IQSEC1: variants seen among roughly 807,000 people sequenced by gnomAD.
IQSEC1 encodes IQ motif and Sec7 domain ArfGEF 1, also known as IQ motif and SEC7 domain-containing protein 1.
In IQSEC1, 31 loss-of-function variants were observed where a neutral mutation model predicts 91.0. The observed-to-expected ratio is 0.34, with a 90% CI of 0.26 to 0.46. The LOEUF (loss-of-function observed/expected upper bound fraction) is 0.46. IQSEC1 is among the 20% of genes least tolerant of loss of function. The probability of loss-of-function intolerance (pLI) is 1.00; values close to 1 mark genes in which losing one functional copy is unlikely to be tolerated. For missense variants in IQSEC1, 1,388 were observed against 1,575.6 expected (o/e 0.88, Z 2.02); for synonymous variants, 699 against 662.6 (o/e 1.05, Z -0.84).
chr3:13,114,792 C>CA (rs11462232), intron 2 of IQSEC1, among the ~76,000 whole-genome samples: 38,233 of 89,902 alleles, frequency 0.43, 6,742 homozygotes, highest in South Asian at 0.55. Context: ...GACATCGTCT[C>CA]AAAAAAAAAA....
intron 1 of IQSEC1, among the ~76,000 whole-genome samples, chr3:13,227,406 A>AAAG (rs1261283086): frequency 4.7e-4 from 69 of 145,646 alleles, no homozygotes; most frequent in African/African-American, 1.8e-3. Context: ...AGAAAGAAAG[A>AAAG]AAAGAAAACG....
At chr3:13,162,888 C>A (rs969220063) in intron 2 of IQSEC1, among the ~76,000 whole-genome samples, 35 of 151,604 alleles carry the variant, frequency 2.3e-4, no homozygotes, top group Middle Eastern at 6.8e-3. Context: ...GTCCATCCAT[C>A]CCCCCGGGCA....
rs549868842 is a variant in IQSEC1, at chr3:12,927,866, G to A, written c.1569-3124C>T. 2.4e-3 allele frequency among the ~76,000 whole-genome samples: 373 copies of A among 152,324 alleles called. 4 individuals carry two copies. The highest frequency in any genetic ancestry group is 8.6e-3 in the African/African-American group (358 of 41,566). ...AAGAGGTGACAGTGAGGACAAAGGT[G>A]CTGAGGTGGGTGGGGAGACCTGAGA... On this transcript the variant is annotated intron_variant, in intron 3 of 13. Coordinates refer to ENST00000613206, the MANE Select transcript of IQSEC1 (RefSeq NM_001134382.3).
At position 13,244,544 on chromosome 3, in the gene IQSEC1, CA is replaced by C. The variant is rs200224958; in HGVS notation, c.272+38166del. ...ATTAATGGGGAGGTCCACTGAGCTCCAAATAACGTAACCCCAGAGAGTGGAC... is the reference window on the plus strand; with the variant it reads ...ATTAATGGGGAGGTCCACTGAGCTCCAATAACGTAACCCCAGAGAGTGGAC... On this transcript the variant is annotated intron_variant, in intron 1 of 15. Coordinates refer to the IQSEC1 transcript ENST00000648114. Among the ~76,000 whole-genome samples, 69 of 152,228 alleles carry C rather than the reference CA, an allele frequency of 4.5e-4. 1 individual carries two copies. In the East Asian group the frequency reaches 0.012, roughly 26 times the overall value.
rs991872664 is a variant in IQSEC1 at position 13,219,532 on chromosome 3, C to T, written c.273-55399G>A. 3.3e-5 allele frequency among the ~76,000 whole-genome samples: 5 copies of T among 152,404 alleles called. No individual in the cohort carries two copies. In the East Asian group the frequency reaches 9.6e-4, roughly 29 times the overall value. On this transcript the variant is annotated intron_variant, in intron 1 of 15. Transcript: ENST00000648114. ...TGAAGCAGACGCACCTCGCAGAGCG[C>T]TGCCTCATTAATACTCATCGCCACT...
Position 12,900,271 on chromosome 3 carries a change from T to C in IQSEC1, c.*712A>G. The C allele has an allele frequency of 3.0e-6, 3 of 985,158 alleles. No homozygotes were observed. Among genetic ancestry groups the C allele is most frequent in the Non-Finnish European group, 3.6e-6 (3 of 829,730 alleles). The allele number at this position is 985,158 out of a possible 1,614,324, so 61.0% of individuals were successfully genotyped here. On this transcript the variant is annotated 3_prime_UTR_variant, in exon 14 of 14. Transcript: ENST00000613206. ...AGATTTTAGCCAGTCCTAGAGGGAC[T>C]TCTTTGTATGAAAATATGAAGTATC...
chr3:12,903,830 G>A (rs1283399137), intron 12 of IQSEC1, among the ~76,000 whole-genome samples: 3 of 152,210 alleles, frequency 2.0e-5, no homozygotes, highest in Non-Finnish European at 1.5e-5. Context: ...GCATCACCAT[G>A]TATTGAGCGC....
In IQSEC1 at chr3:12,954,975, GCT is replaced by G. The variant is rs561772172; in HGVS notation, c.24-13112_24-13111del. 3.1e-3 allele frequency among the ~76,000 whole-genome samples: 478 copies of G among 152,320 alleles called. 9 individuals are homozygous for G. The highest frequency in any genetic ancestry group is 0.029 in the Admixed American group (440 of 15,304). On this transcript the variant is annotated intron_variant, in intron 1 of 13. Coordinates refer to ENST00000613206, the MANE Select transcript of IQSEC1 (RefSeq NM_001134382.3). The stretch of plus-strand genomic sequence containing the variant: ...TCCACAGGCCAACGGCAGGGCTGCT[GCT>G]CTCTCATTTACAGGTGGGGGCACCG...
chr3:12,952,838 AGAG>A (rs1222988727), intron 1 of IQSEC1, among the ~76,000 whole-genome samples: 5 of 152,214 alleles, frequency 3.3e-5, no homozygotes, highest in South Asian at 2.1e-4. Context: ...CTGAGAAGGA[AGAG>A]GAGAAGATGG....
At chr3:12,976,704 C>T (rs775786673) in intron 1 of IQSEC1, among the ~76,000 whole-genome samples, 1 of 152,226 alleles carries the variant, frequency 6.6e-6, no homozygotes, top group Non-Finnish European at 1.5e-5. Context: ...CTGTCACTTC[C>T]ACCAGAAAGT....
In IQSEC1 at chr3:12,915,738, G is replaced by A. The variant is rs780426346; in HGVS notation, c.2021-5C>T. On this transcript the variant is annotated splice_region_variant and splice_polypyrimidine_tract_variant and intron_variant, in intron 6 of 13. Transcript: ENST00000613206. ...TGTCCTCACCATCGTCCACACCTGG[G>A]TAGGGGATGCAGCTGGATATCAGGG... The A allele has an allele frequency of 6.2e-7, 1 of 1,613,600 alleles. No homozygotes were observed. Among genetic ancestry groups the A allele is most frequent in the Non-Finnish European group, 8.5e-7 (1 of 1,179,596 alleles).
At chr3:13,156,257 TAAATA>T (rs1204625276) in intron 2 of IQSEC1, among the ~76,000 whole-genome samples, 3 of 151,474 alleles carry the variant, frequency 2.0e-5, no homozygotes, top group Non-Finnish European at 4.4e-5. Flanking sequence ...AAAAATAAAA[TAAATA>T]AAATAAAAAC....
Position 12,899,957 on chromosome 3 carries a change from G to A in IQSEC1, c.*1026C>T. 1 of 985,242 alleles carries A rather than the reference G, an allele frequency of 1.0e-6. No individual in the cohort carries two copies. Among genetic ancestry groups the A allele is most frequent in the Non-Finnish European group, 1.2e-6 (1 of 829,860 alleles). The allele number at this position is 985,242 out of a possible 1,614,324, so 61.0% of individuals were successfully genotyped here. Reference sequence around the variant, plus strand: ...TGAATGAGTGTGCGTCAAATCATATGCGCATAAAAGAAACATGGATCATGG... The same window carrying A: ...TGAATGAGTGTGCGTCAAATCATATACGCATAAAAGAAACATGGATCATGG... On this transcript the variant is annotated 3_prime_UTR_variant, in exon 14 of 14. Transcript: ENST00000613206.
chr3:13,163,281 C>T (rs1707212894), intron 2 of IQSEC1, among the ~76,000 whole-genome samples: 1 of 152,160 alleles, frequency 6.6e-6, no homozygotes, highest in Admixed American at 6.5e-5. Context: ...CAGGACATCT[C>T]ATCTCCCCAG....
chr3:13,110,050 T>G (rs1706217187), intron 2 of IQSEC1, among the ~76,000 whole-genome samples: 1 of 151,504 alleles, frequency 6.6e-6, no homozygotes, highest in East Asian at 2.0e-4. Flanking sequence ...ACCCGGCTAG[T>G]TTTTGTATTT....
intron 1 of IQSEC1, among the ~76,000 whole-genome samples, chr3:13,237,651 G>C (rs929985371): frequency 3.9e-5 from 6 of 152,226 alleles, no homozygotes; most frequent in Non-Finnish European, 5.9e-5. Flanking sequence ...GGAAAGCACA[G>C]GACTTCCCAC....
Position 12,967,490 on chromosome 3 carries a change from A to ACCCAGGC in IQSEC1, c.24-25632_24-25626dup, listed in dbSNP as rs1251372363. Reference sequence around the variant, plus strand: ...GGAGCGGGCCGGGCCGGGAGCCGGGACCCAGGCCCAGCAGAGGCCGCCGAC... The same window carrying ACCCAGGC: ...GGAGCGGGCCGGGCCGGGAGCCGGGACCCAGGCCCCAGGCCCAGCAGAGGCCGCCGAC... On this transcript the variant is annotated intron_variant, in intron 1 of 13. Transcript: ENST00000613206. This position sits in a 1 kb window ranked among gnomAD's most constrained non-coding sequence, Gnocchi z 5.9. 2.0e-6 allele frequency: 3 copies of ACCCAGGC among 1,488,780 alleles called. No homozygotes were observed. Among genetic ancestry groups the ACCCAGGC allele is most frequent in the Non-Finnish European group, 2.7e-6 (3 of 1,125,064 alleles). The allele number at this position is 1,488,780 out of a possible 1,614,324, so 92.2% of individuals were successfully genotyped here.
intron 3 of IQSEC1, among the ~76,000 whole-genome samples, chr3:12,934,380 G>A (rs1225186699): frequency 1.3e-5 from 2 of 152,208 alleles, no homozygotes; most frequent in African/African-American, 4.8e-5. Context: ...TGTGTCCCAG[G>A]AATGGCTCAA....
intron 1 of IQSEC1, among the ~76,000 whole-genome samples, chr3:13,267,100 G>C (rs1695504927): frequency 6.6e-6 from 1 of 152,210 alleles, no homozygotes. Context: ...CCTCTGGGAG[G>C]TGGTGAGGTC....
Sources: gnomAD v4.1 joint callset for allele counts (sites outside exome capture counted in the v4.1 genomes callset) on GRCh38, gnomAD v4.1.1 for gene constraint, Gnocchi (gnomAD v3.1) non-coding constraint, MANE v1.5 for transcripts, NCBI Gene and HGNC (gene_info 2026-07-23, HGNC 2026-07-21) for gene names.